The following GPR149 variants were observed in gnomAD, a reference collection of about 807,000 sequenced individuals.
GPR149 encodes the protein G protein-coupled receptor 149, also known as probable G protein-coupled receptor 149.
Under a neutral mutation model 50.2 loss-of-function variants are expected in GPR149, and 50 were observed. That is an observed-to-expected ratio of 1.00 (90% CI 0.79 to 1.26). The LOEUF is 1.26. Among genes scored for constraint, GPR149 ranks in the 50% most tolerant of loss-of-function variants. GPR149 has a pLI of 0.00. For synonymous variants in GPR149, 405 were observed against 358.2 expected (o/e 1.13, Z -1.48); for missense variants, 983 against 895.4 (o/e 1.10, Z -1.25).
chr3:154,427,400 C>T lies in GPR149; in HGVS notation c.1174+116G>A, dbSNP rs549065116. 11 of 746,112 alleles carry T rather than the reference C, an allele frequency of 1.5e-5. No homozygotes were observed. The South Asian group carries it at 1.9e-4, about 13-fold the overall frequency. 46.2% of individuals were successfully genotyped at this position (746,112 alleles called of 1,614,324 possible). A position where few individuals can be genotyped will look rare whatever the true frequency, so the allele number is the denominator to read the frequency against. On this transcript the variant is annotated intron_variant, in intron 2 of 3. Transcript: ENST00000389740. Reference sequence around the variant, plus strand: ...TATAATTTCTTCTCACTATTTACCACTGACATTTATCCTTGGACTCTCCAT... The same window carrying T: ...TATAATTTCTTCTCACTATTTACCATTGACATTTATCCTTGGACTCTCCAT...
At chr3:154,416,592 A>T (rs1049530846) in intron 3 of GPR149, among the ~76,000 whole-genome samples, 14 of 151,914 alleles carry the variant, frequency 9.2e-5, no homozygotes, top group African/African-American at 3.1e-4. Flanking sequence ...CAACGCTGCT[A>T]CTAAACTCTG....
intron 3 of GPR149, among the ~76,000 whole-genome samples, chr3:154,405,623 T>C (rs1282281800): frequency 8.8e-6 from 1 of 113,022 alleles, no homozygotes; most frequent in East Asian, 2.6e-4. Context: ...AGCCTAGAAA[T>C]AGATCCAAGT....
chr3:154,358,418 C>G (rs1393210131), intron 3 of GPR149, among the ~76,000 whole-genome samples: 1 of 151,824 alleles, frequency 6.6e-6, no homozygotes, highest in East Asian at 1.9e-4. Context: ...CACTTTTTTT[C>G]CTTGAAAAAT....
chr3:154,371,123 CAA>C (rs1395294920), intron 3 of GPR149, among the ~76,000 whole-genome samples: 1 of 152,146 alleles, frequency 6.6e-6, no homozygotes, highest in Non-Finnish European at 1.5e-5. Flanking sequence ...CTAAAGCTCT[CAA>C]AGGATTACAG....
At chr3:154,390,577 T>C (rs1480859366) in intron 3 of GPR149, among the ~76,000 whole-genome samples, 3 of 151,890 alleles carry the variant, frequency 2.0e-5, no homozygotes, top group African/African-American at 7.3e-5. Context: ...TAGGATGCCA[T>C]TGAGTGGACT....
At chr3:154,358,619 G>A (rs1324896473) in intron 3 of GPR149, among the ~76,000 whole-genome samples, 1 of 152,110 alleles carries the variant, frequency 6.6e-6, no homozygotes. Context: ...CAATGAAAAT[G>A]TCTGAGGTGG....
chr3:154,341,871 G>A (rs1441917258), intron 3 of GPR149, among the ~76,000 whole-genome samples: 1 of 148,116 alleles, frequency 6.8e-6, no homozygotes, highest in African/African-American at 2.5e-5. Context: ...CATGAAGGAA[G>A]ACAGCCAGCC....
At chr3:154,341,705 A>T (rs1389853217) in intron 3 of GPR149, among the ~76,000 whole-genome samples, 1 of 152,126 alleles carries the variant, frequency 6.6e-6, no homozygotes, top group Non-Finnish European at 1.5e-5. Flanking sequence ...TTCCACTGAA[A>T]TTTTATTTTG....
chr3:154,353,808 A>T (rs1714147719), intron 3 of GPR149: 1 of 682,762 alleles, frequency 1.5e-6, no homozygotes, highest in Admixed American at 2.2e-5. Context: ...GAGCTATTAA[A>T]TCTTTTCTTT....
At chr3:154,373,915 T>C (rs1214842676) in intron 3 of GPR149, among the ~76,000 whole-genome samples, 2 of 152,168 alleles carry the variant, frequency 1.3e-5, no homozygotes, top group African/African-American at 4.8e-5. Context: ...TTAACAAATG[T>C]TTGTTCAATT....
At chr3:154,341,844 G>A (rs968539430) in intron 3 of GPR149, among the ~76,000 whole-genome samples, 3 of 152,076 alleles carry the variant, frequency 2.0e-5, no homozygotes, top group Admixed American at 1.3e-4. Flanking sequence ...GGTGTTCATT[G>A]CAAGATTTGG....
intron 3 of GPR149, among the ~76,000 whole-genome samples, chr3:154,345,911 C>T (rs946273491): frequency 6.6e-6 from 1 of 151,958 alleles, no homozygotes; most frequent in South Asian, 2.1e-4. Flanking sequence ...AAACACTTGC[C>T]CAGGGTCACA....
rs1711766977 is a variant in GPR149, at chr3:154,409,023, T to C, written c.1623+12016A>G. ...CAGAGCAGTTGCTGGTATCCGTGTCTGCAAGATCTGAAGATGATCACATCA... is the reference window on the plus strand; with the variant it reads ...CAGAGCAGTTGCTGGTATCCGTGTCCGCAAGATCTGAAGATGATCACATCA... On this transcript the variant is annotated intron_variant, in intron 3 of 3. Transcript: ENST00000389740. Among the ~76,000 whole-genome samples the C allele has an allele frequency of 2.0e-5, 3 of 152,226 alleles. No homozygotes were observed. The South Asian group carries it at 6.2e-4, about 31-fold the overall frequency.
rs934438277 is a variant in GPR149 at position 154,335,082 on chromosome 3, G to A, written c.*2617C>T. The A allele has an allele frequency of 7.9e-5, 12 of 151,998 alleles. No individual in the cohort carries two copies. The highest frequency in any genetic ancestry group is 5.2e-4 in the Admixed American group (8 of 15,260). The allele number at this position is 151,998 out of a possible 1,614,324, so 9.4% of individuals were successfully genotyped here. ...GGTGTTTATACTATTTGGGAGTCTCGGGGATTACGTGTTTGCAGTTTATAG... is the reference window on the plus strand; with the variant it reads ...GGTGTTTATACTATTTGGGAGTCTCAGGGATTACGTGTTTGCAGTTTATAG... On this transcript the variant is annotated 3_prime_UTR_variant, in exon 4 of 4. Coordinates refer to ENST00000389740, the MANE Select transcript of GPR149 (RefSeq NM_001038705.3).
In GPR149 at chr3:154,414,591, A is replaced by G. The variant is rs566052537; in HGVS notation, c.1623+6448T>C. Among the ~76,000 whole-genome samples, 7 of 152,152 alleles carry G rather than the reference A, an allele frequency of 4.6e-5. No individual in the cohort carries two copies. In the East Asian group the frequency reaches 1.2e-3, roughly 25 times the overall value. Reference sequence around the variant, plus strand: ...CAAGGGGGAAAAATAGAAACTTTACATAGAGAAATCTGGCAGACACCAATT... The same window carrying G: ...CAAGGGGGAAAAATAGAAACTTTACGTAGAGAAATCTGGCAGACACCAATT... On this transcript the variant is annotated intron_variant, in intron 3 of 3. Transcript: ENST00000389740.
chr3:154,347,320 T>C (rs1713953135), intron 3 of GPR149, among the ~76,000 whole-genome samples: 1 of 152,172 alleles, frequency 6.6e-6, no homozygotes, highest in African/African-American at 2.4e-5. Flanking sequence ...CTTAGAATCA[T>C]GACGGAAGAG....
chr3:154,351,324 A>T lies in GPR149; in HGVS notation c.1624-13053T>A, dbSNP rs1393516988. ...TAGACATCCACATACAAAAAAAAAA[A>T]AAAAAAAAAAAAAAAAAAAAATAAC... On this transcript the variant is annotated intron_variant, in intron 3 of 3. Transcript: ENST00000389740. Among the ~76,000 whole-genome samples, 277 of 138,632 alleles carry T rather than the reference A, an allele frequency of 2.0e-3. 1 individual carries two copies. Among genetic ancestry groups the T allele is most frequent in the Non-Finnish European group, 3.8e-3 (233 of 61,336 alleles). 90.9% of individuals were successfully genotyped at this position (138,632 alleles called of 152,430 possible). A position where few individuals can be genotyped will look rare whatever the true frequency, so the allele number is the denominator to read the frequency against.
chr3:154,347,624 A>G (rs1426720944), intron 3 of GPR149, among the ~76,000 whole-genome samples: 1 of 152,238 alleles, frequency 6.6e-6, no homozygotes, highest in African/African-American at 2.4e-5. Flanking sequence ...CGGGTGGTAA[A>G]ATTATTTACA....
chr3:154,417,102 G>A (rs985288882), intron 3 of GPR149, among the ~76,000 whole-genome samples: 2 of 151,954 alleles, frequency 1.3e-5, no homozygotes, highest in African/African-American at 2.4e-5. Context: ...ATGACAAAAT[G>A]TGGGGTTCTA....
Sources: allele counts gnomAD v4.1 joint callset (sites outside exome capture counted in the v4.1 genomes callset), GRCh38; gene constraint gnomAD v4.1.1; transcripts MANE v1.5; gene names NCBI Gene and HGNC (gene_info 2026-07-23, HGNC 2026-07-21).